CD5L: variants seen among roughly 807,000 people sequenced by gnomAD.
The protein encoded by CD5L is CD5 molecule like.
CD5L carries 39 observed loss-of-function variants against 40.8 expected under a neutral mutation model. That is an observed-to-expected ratio of 0.96 (90% CI 0.74 to 1.25). The LOEUF is 1.25. Among genes scored for constraint, CD5L ranks in the 50% most tolerant of loss-of-function variants. The pLI is 0.00. For missense variants in CD5L, 433 were observed against 435.9 expected, an observed-to-expected ratio of 0.99 and a Z score of 0.06; for synonymous variants, 192 against 169.6, an observed-to-expected ratio of 1.13 and a Z score of -1.03.
chr1:157,839,285 C>A (rs1191916147), intron 2 of CD5L, 99 bp downstream of exon 2: 2 of 1,141,086 alleles, frequency 1.8e-6, no homozygotes, highest in East Asian at 2.3e-5. Context: ...GTCTGCTGGG[C>A]CTGTTTTGAA....
intron 2 of CD5L, 104 bp downstream of exon 2, chr1:157,839,280 C>A: frequency 9.2e-7 from 1 of 1,092,812 alleles, no homozygotes; most frequent in South Asian, 1.3e-5. Flanking sequence ...AGGAAGTCTG[C>A]TGGGCCTGTT....
chr1:157,833,252 G>T lies in CD5L; in HGVS notation c.979C>A (p.His327Asn). The change falls in exon 5 of 6, where the codon CAC becomes AAC. Residue 327 changes from histidine (H) to asparagine (N), a missense_variant. Coordinates refer to ENST00000368174, the MANE Select transcript of CD5L (RefSeq NM_005894.3). The stretch of plus-strand genomic sequence containing the variant: ...CAGTCGTGAAACCCCCAAAATCTGT[G>T]CTGGCACTGCTCCAGGGACTGCTCC... ...GEEQSLEQCQ[H>N]RFWGFHDCTH... 6.2e-7 allele frequency: 1 copy of T among 1,614,108 alleles called. No individual in the cohort carries two copies.
chr1:157,841,695 G>A lies in CD5L; in HGVS notation c.7C>T (p.Leu3=). Residue 3 remains leucine, a synonymous_variant, in exon 1 of 6, where the codon CTG becomes TTG. Transcript: ENST00000368174. MA[L]LFSLILAICT... is the part of the protein sequence containing the mutation. The stretch of plus-strand genomic sequence containing the variant: ...TCACCAAGGATCAAGGAGAATAGCA[G>A]AGCCATGACCAAGGCAGGTGAAGGT... The A allele has an allele frequency of 6.2e-7, 1 of 1,613,386 alleles. No homozygotes were observed. The highest frequency in any genetic ancestry group is 1.3e-5 in the African/African-American group (1 of 75,036).
At chr1:157,838,452 C>G (rs1010789521) in intron 2 of CD5L, among the ~76,000 whole-genome samples, 9 of 152,002 alleles carry the variant, frequency 5.9e-5, no homozygotes, top group Non-Finnish European at 1.2e-4. Context: ...TCAGGATTAA[C>G]AGGATATTTT....
intron 2 of CD5L, 40 bp downstream of exon 2, chr1:157,839,344 A>T: frequency 1.2e-6 from 2 of 1,608,478 alleles, no homozygotes; most frequent in Non-Finnish European, 1.7e-6. Context: ...CCCTCTCCTA[A>T]GCTTGAGGCC....
downstream of CD5L, chr1:157,830,801 T>C (rs555262862): frequency 1.1e-5 from 3 of 279,708 alleles, no homozygotes; most frequent in South Asian, 1.4e-4. Flanking sequence ...ACACATATGG[T>C]TGTAACTGGA....
At chr1:157,840,433 G>T (rs1656337939) in intron 1 of CD5L, among the ~76,000 whole-genome samples, 1 of 152,118 alleles carries the variant, frequency 6.6e-6, no homozygotes, top group Non-Finnish European at 1.5e-5. Context: ...TGGACCTCCA[G>T]CCTACAGTTT....
chr1:157,827,235 C>T (rs1383431918), downstream of CD5L, among the ~76,000 whole-genome samples: 1 of 149,866 alleles, frequency 6.7e-6, no homozygotes, highest in Non-Finnish European at 1.5e-5. Flanking sequence ...TGTATTTTGT[C>T]AGAGTTCTTC....
chr1:157,831,980 A>G lies in CD5L; in HGVS notation c.1040-12T>C, dbSNP rs1394946658. On this transcript the variant is annotated splice_polypyrimidine_tract_variant and intron_variant, in intron 5 of 5. Transcript: ENST00000368174. ...ACCAGGATACTATCCTATAAAGAGAAGAGGAAAATGCAGTAAGGATGGGTA... is the reference window on the plus strand; with the variant it reads ...ACCAGGATACTATCCTATAAAGAGAGGAGGAAAATGCAGTAAGGATGGGTA... The G allele has an allele frequency of 6.3e-7, 1 of 1,580,820 alleles. No individual in the cohort carries two copies. Among genetic ancestry groups the G allele is most frequent in the Non-Finnish European group, 8.6e-7 (1 of 1,162,664 alleles).
At chr1:157,833,146 A>G in intron 5 of CD5L, 46 bp downstream of exon 5, 9 of 1,464,324 alleles carry the variant, frequency 6.1e-6, no homozygotes, top group Non-Finnish European at 5.7e-6. Context: ...CTCTTCCTTT[A>G]TCATCCTCCT....
At position 157,831,647 on chromosome 1, in the gene CD5L, G is replaced by A; in HGVS notation, c.*317C>T. ...GTCTGCACATCTGACCAAAGTGACA[G>A]GTTTGAGGATTCCAGGCAGCTTGAG... On this transcript the variant is annotated 3_prime_UTR_variant, in exon 6 of 6. Coordinates refer to ENST00000368174, the MANE Select transcript of CD5L (RefSeq NM_005894.3). The A allele has an allele frequency of 8.6e-7, 1 of 1,158,434 alleles. No individual in the cohort carries two copies. The highest frequency in any genetic ancestry group is 1.1e-6 in the Non-Finnish European group (1 of 941,490). 71.8% of individuals were successfully genotyped at this position (1,158,434 alleles called of 1,614,324 possible).
At chr1:157,827,740 A>C (rs374459928), downstream of CD5L, among the ~76,000 whole-genome samples, 5 of 152,168 alleles carry the variant, frequency 3.3e-5, no homozygotes, top group African/African-American at 1.2e-4. Context: ...ATGCCCCATG[A>C]CTCAGTGAAA....
chr1:157,834,139 T>A (rs530830872), intron 4 of CD5L, among the ~76,000 whole-genome samples: 172 of 152,284 alleles, frequency 1.1e-3, no homozygotes, highest in Non-Finnish European at 2.1e-3. Flanking sequence ...AACAGATACA[T>A]AAAAAGATGT....
chr1:157,827,379 G>A (rs573224748), downstream of CD5L, among the ~76,000 whole-genome samples: 4 of 152,028 alleles, frequency 2.6e-5, no homozygotes, highest in East Asian at 7.7e-4. Context: ...GTGCAATGTG[G>A]AGACATAGGA....
Position 157,833,475 on chromosome 1 carries a change from G to C in CD5L, c.756C>G (p.Leu252=). 1.2e-6 allele frequency: 2 copies of C among 1,614,022 alleles called. No homozygotes were observed. Among genetic ancestry groups the C allele is most frequent in the Non-Finnish European group, 1.7e-6 (2 of 1,179,934 alleles). Residue 252 remains leucine, a synonymous_variant, in exon 5 of 6, where the codon CTC becomes CTG. Coordinates refer to ENST00000368174, the MANE Select transcript of CD5L (RefSeq NM_005894.3). ...FDLRLVGGDN[L]CSGRLEVLHK... ...GCAGCACCTCCAGTCGCCCAGAGCA[G>C]AGGTTGTCTCCTCCTACTAGTCTCA... is the stretch of plus-strand genomic sequence containing the variant.
Position 157,831,616 on chromosome 1 carries a change from G to A in CD5L, c.*348C>T, listed in dbSNP as rs1363895586. The A allele has an allele frequency of 5.5e-6, 6 of 1,100,808 alleles. No individual in the cohort carries two copies. The highest frequency in any genetic ancestry group is 6.6e-6 in the Non-Finnish European group (6 of 904,944). 68.2% of individuals were successfully genotyped at this position (1,100,808 alleles called of 1,614,324 possible). On this transcript the variant is annotated 3_prime_UTR_variant, in exon 6 of 6. Coordinates refer to ENST00000368174, the MANE Select transcript of CD5L (RefSeq NM_005894.3). Reference sequence around the variant, plus strand: ...GTAATGTTTGCAGACATAGACCTTAGTAATGGTCTGCACATCTGACCAAAG... The same window carrying A: ...GTAATGTTTGCAGACATAGACCTTAATAATGGTCTGCACATCTGACCAAAG...
intron 1 of CD5L, 104 bp from the exon 2 acceptor site, chr1:157,839,514 G>GATGCAGAGCCTCCAATGTC (rs1484498639): frequency 1.7e-6 from 2 of 1,187,702 alleles, no homozygotes; most frequent in African/African-American, 3.1e-5. Flanking sequence ...AAGAGTGGTA[G>GATGCAGAGCCTCCAATGTC]ATGCAGAGCC....
intron 4 of CD5L, 26 bp from the exon 5 acceptor site, chr1:157,833,538 G>A (rs371975968): frequency 2.6e-6 from 4 of 1,544,862 alleles, no homozygotes; most frequent in Non-Finnish European, 3.5e-6. Flanking sequence ...GGAAGTCAGG[G>A]GTTGGAGACA....
downstream of CD5L, among the ~76,000 whole-genome samples, chr1:157,828,040 A>G (rs1655949064): frequency 6.6e-6 from 1 of 152,228 alleles, no homozygotes; most frequent in African/African-American, 2.4e-5. Flanking sequence ...TCACAGTATA[A>G]CTCAAATTAA....
Sources: gnomAD v4.1 joint callset for allele counts (sites outside exome capture counted in the v4.1 genomes callset) on GRCh38, gnomAD v4.1.1 for gene constraint, MANE v1.5 for transcripts, NCBI Gene and HGNC (gene_info 2026-07-23, HGNC 2026-07-21) for gene names.